The following LRBA variants were observed in gnomAD, a reference collection of about 807,000 sequenced individuals.
LRBA encodes the protein lipopolysaccharide-responsive and beige-like anchor protein.
LRBA carries 176 observed loss-of-function variants against 330.0 expected under a neutral mutation model. The ratio of observed to expected loss-of-function variants is 0.53; its 90% CI spans 0.47 to 0.60. LRBA has a LOEUF of 0.60. Ranked by LOEUF, LRBA falls within the 20% of genes least tolerant of loss-of-function variation. The pLI, the probability that LRBA is intolerant of heterozygous loss-of-function variation, is 0.00. For synonymous variants in LRBA, 1,230 were observed against 1,193.0 expected (o/e 1.03, Z -0.64); for missense variants, 3,259 against 3,444.8 (o/e 0.95, Z 1.35).
intron 51 of LRBA, 126 bp from the exon 52 acceptor site, chr4:150,310,510 G>T: frequency 1.8e-6 from 1 of 551,640 alleles, no homozygotes. Flanking sequence ...TATAATAATT[G>T]AAAAACCGAG....
intron 2 of LRBA, among the ~76,000 whole-genome samples, chr4:150,966,595 GGATTACAGGCGT>G (rs948490252): frequency 2.0e-5 from 3 of 151,596 alleles, no homozygotes; most frequent in African/African-American, 7.3e-5. Flanking sequence ...CAGAGTGCTG[GGATTACAGGCGT>G]GAGCCACCGC....
chr4:150,563,938 T>C (rs1008607311), intron 40 of LRBA, among the ~76,000 whole-genome samples: 1 of 152,088 alleles, frequency 6.6e-6, no homozygotes, highest in African/African-American at 2.4e-5. Flanking sequence ...AGAATCAATA[T>C]CGTGAAAATG....
intron 34 of LRBA, among the ~76,000 whole-genome samples, chr4:150,786,721 ACCCTAGTCTC>A (rs938008567): frequency 3.9e-5 from 6 of 152,000 alleles, no homozygotes; most frequent in African/African-American, 1.5e-4. Context: ...TGTTTAAAAA[ACCCTAGTCTC>A]CAAATTTTTA....
chr4:150,945,645 T>C (rs1007989179), intron 2 of LRBA, among the ~76,000 whole-genome samples: 1 of 152,174 alleles, frequency 6.6e-6, no homozygotes, highest in African/African-American at 2.4e-5. Context: ...ATCAAGTATA[T>C]TAACATCATA....
In LRBA at chr4:150,928,938, G is replaced by T. The variant is rs1349254578; in HGVS notation, c.344C>A (p.Thr115Lys). The change falls in exon 3 of 57, where the codon ACA becomes AAA. Residue 115 changes from threonine to lysine, a missense_variant. Coordinates refer to ENST00000651943, the MANE Select transcript of LRBA (RefSeq NM_001364905.1). Reference protein sequence around the residue: ...TCQAEVWSMFTAILKKSIRNL... With the variant: ...TCQAEVWSMFKAILKKSIRNL... ...CCGTATGCTTTTCTTCAGAATGGCT[G>T]TAAACATGCTCCAGACTTCTGCTTG... The T allele has an allele frequency of 6.2e-7, 1 of 1,613,940 alleles. No individual in the cohort carries two copies. Among genetic ancestry groups the T allele is most frequent in the Admixed American group, 1.7e-5 (1 of 60,002 alleles).
intron 36 of LRBA, among the ~76,000 whole-genome samples, chr4:150,731,687 G>A (rs1003199018): frequency 6.6e-5 from 10 of 152,132 alleles, no homozygotes; most frequent in African/African-American, 2.4e-4. Context: ...GGTTACCAGA[G>A]GCTAGGAAGG....
intron 36 of LRBA, among the ~76,000 whole-genome samples, chr4:150,700,996 G>A (rs141123082): frequency 6.6e-6 from 1 of 152,126 alleles, no homozygotes; most frequent in Non-Finnish European, 1.5e-5. Context: ...CTGGACTCAA[G>A]CAATCCTCCC....
chr4:150,673,304 G>A (rs1280889195), intron 37 of LRBA, among the ~76,000 whole-genome samples: 2 of 151,854 alleles, frequency 1.3e-5, no homozygotes, highest in Admixed American at 6.6e-5. Flanking sequence ...TTTCTAATTC[G>A]GCATATACAA....
At chr4:150,697,323 C>CAAAAAAAAAAA (rs1561527339) in intron 36 of LRBA, among the ~76,000 whole-genome samples, 1 of 1,482 alleles carries the variant, frequency 6.7e-4, no homozygotes, top group Non-Finnish European at 5.9e-3. Context: ...GACTTTGTCT[C>CAAAAAAAAAAA]AGAAAAAAAA....
intron 40 of LRBA, among the ~76,000 whole-genome samples, chr4:150,545,051 A>T (rs1765711704): frequency 6.6e-6 from 1 of 152,162 alleles, no homozygotes; most frequent in African/African-American, 2.4e-5. Context: ...CTCTTCTGTA[A>T]AATAGAAAAT....
At chr4:150,859,965 G>C (rs920020968) in intron 22 of LRBA, among the ~76,000 whole-genome samples, 3 of 152,102 alleles carry the variant, frequency 2.0e-5, no homozygotes, top group Non-Finnish European at 4.4e-5. Flanking sequence ...AATAATTCCA[G>C]TGGAATTTTT....
intron 2 of LRBA, among the ~76,000 whole-genome samples, chr4:150,965,114 C>T (rs1274562993): frequency 6.6e-6 from 1 of 152,064 alleles, no homozygotes; most frequent in Non-Finnish European, 1.5e-5. Flanking sequence ...ACCTTTGACC[C>T]AGCAATTATA....
chr4:150,808,996 T>A (rs1351237310), intron 31 of LRBA, among the ~76,000 whole-genome samples: 1 of 152,144 alleles, frequency 6.6e-6, no homozygotes, highest in East Asian at 1.9e-4. Flanking sequence ...GATTGTTGAA[T>A]CTTTCAGTCC....
intron 47 of LRBA, among the ~76,000 whole-genome samples, chr4:150,400,682 C>A (rs1469993006): frequency 6.6e-6 from 1 of 151,958 alleles, no homozygotes; most frequent in Non-Finnish European, 1.5e-5. Flanking sequence ...TTAGGAGACC[C>A]CCATCTTCAC....
At chr4:150,595,465 A>G (rs1385716207) in intron 38 of LRBA, among the ~76,000 whole-genome samples, 1 of 151,950 alleles carries the variant, frequency 6.6e-6, no homozygotes, top group Admixed American at 6.6e-5. Context: ...ATATGCTTAC[A>G]AGATACTTTT....
chr4:150,614,986 T>TG (rs1385137313), intron 37 of LRBA, among the ~76,000 whole-genome samples: 2 of 152,214 alleles, frequency 1.3e-5, no homozygotes, highest in Non-Finnish European at 2.9e-5. Context: ...ATAGGGAACA[T>TG]GTTAACATCT....
chr4:150,864,957 T>A (rs1752492410), intron 22 of LRBA, among the ~76,000 whole-genome samples: 1 of 152,192 alleles, frequency 6.6e-6, no homozygotes, highest in Non-Finnish European at 1.5e-5. Flanking sequence ...GTCTTTAGGT[T>A]ATACTTTTAA....
Position 150,971,739 on chromosome 4 carries a change from A to G in LRBA, c.217-42674T>C, listed in dbSNP as rs184225113. Among the ~76,000 whole-genome samples, 9 of 152,306 alleles carry G rather than the reference A, an allele frequency of 5.9e-5. No individual in the cohort carries two copies. In the Middle Eastern group the frequency reaches 0.017, roughly 288 times the overall value. ...AACAAATGAAACATTAAGAGCTCTG[A>G]TTTTTATTTACTATTTCACAAGGGT... On this transcript the variant is annotated intron_variant, in intron 2 of 56. Coordinates refer to ENST00000651943, the MANE Select transcript of LRBA (RefSeq NM_001364905.1).
At chr4:150,729,192 C>A (rs1730117502) in intron 36 of LRBA, among the ~76,000 whole-genome samples, 1 of 152,192 alleles carries the variant, frequency 6.6e-6, no homozygotes, top group East Asian at 1.9e-4. Context: ...GTGGCACATG[C>A]CTGTAGTGAC....
Sources: allele counts gnomAD v4.1 joint callset (sites outside exome capture counted in the v4.1 genomes callset), GRCh38; gene constraint gnomAD v4.1.1; transcripts MANE v1.5; gene names NCBI Gene and HGNC (gene_info 2026-07-23, HGNC 2026-07-21).